DLG2: variants seen among roughly 807,000 people sequenced by gnomAD.
DLG2 encodes discs large MAGUK scaffold protein 2.
In DLG2, 45 loss-of-function variants were observed where a neutral mutation model predicts 132.5. The ratio of observed to expected loss-of-function variants is 0.34; its 90% confidence interval spans 0.27 to 0.44. DLG2 has a LOEUF of 0.44. Ranked by LOEUF, DLG2 falls within the 20% of genes least tolerant of loss-of-function variation. The pLI is 1.00. For synonymous variants in DLG2, 424 were observed against 419.6 expected, an observed-to-expected ratio of 1.01 and a Z score of -0.13; for missense variants, 1,045 against 1,196.9, an observed-to-expected ratio of 0.87 and a Z score of 1.87.
intron 6 of DLG2, among the ~76,000 whole-genome samples, chr11:84,794,278 G>T (rs2074257137): frequency 6.6e-6 from 1 of 152,190 alleles, no homozygotes; most frequent in Admixed American, 6.5e-5. Context: ...AGTGTAACGG[G>T]ATTGTAACAC....
At chr11:84,479,530 T>C (rs894299093) in intron 7 of DLG2, among the ~76,000 whole-genome samples, 1 of 152,130 alleles carries the variant, frequency 6.6e-6, no homozygotes. Flanking sequence ...GACAATATGT[T>C]TCCTTCCTGC....
chr11:83,595,206 C>T (rs2057365517), intron 19 of DLG2, among the ~76,000 whole-genome samples: 1 of 152,080 alleles, frequency 6.6e-6, no homozygotes, highest in Non-Finnish European at 1.5e-5. Flanking sequence ...TCTCCCAGCT[C>T]TTGGGTATTA....
intron 18 of DLG2, among the ~76,000 whole-genome samples, chr11:83,657,621 A>ATCTGCCTC (rs1310187625): frequency 2.0e-5 from 3 of 146,470 alleles, no homozygotes; most frequent in African/African-American, 7.6e-5. Context: ...TCACTGCAAG[A>ATCTGCCTC]TCTGCCTCCC....
intron 4 of DLG2, among the ~76,000 whole-genome samples, chr11:85,206,532 TA>T (rs2081906320): frequency 6.6e-6 from 1 of 152,158 alleles, no homozygotes; most frequent in Non-Finnish European, 1.5e-5. Flanking sequence ...AAATACATGG[TA>T]TATAAGTAAT....
chr11:83,994,831 T>C (rs529959305), intron 11 of DLG2, among the ~76,000 whole-genome samples: 2 of 152,284 alleles, frequency 1.3e-5, no homozygotes, highest in Admixed American at 6.5e-5. Flanking sequence ...CTGAAAGCTA[T>C]AAGAGTAAAT....
chr11:83,513,279 T>C (rs2095133503), intron 21 of DLG2, among the ~76,000 whole-genome samples: 1 of 151,624 alleles, frequency 6.6e-6, no homozygotes, highest in African/African-American at 2.4e-5. Flanking sequence ...TGATGGCCAG[T>C]GATGATGAGC....
chr11:84,052,315 C>G (rs964537953), intron 11 of DLG2, among the ~76,000 whole-genome samples: 1 of 151,698 alleles, frequency 6.6e-6, no homozygotes, highest in East Asian at 1.9e-4. Context: ...TACATGCATG[C>G]ATAAGCCAAA....
intron 15 of DLG2, among the ~76,000 whole-genome samples, chr11:83,928,143 A>C (rs139688333): frequency 1.3e-5 from 2 of 152,188 alleles, no homozygotes; most frequent in Admixed American, 1.3e-4. Flanking sequence ...AAAAGAAAAA[A>C]AGAAGGAGAA....
chr11:84,094,463 G>A (rs1259012419), intron 10 of DLG2, among the ~76,000 whole-genome samples: 1 of 152,060 alleles, frequency 6.6e-6, no homozygotes, highest in Non-Finnish European at 1.5e-5. Context: ...CTCTGTAAAT[G>A]TTAGTGTTAT....
chr11:83,653,935 G>A (rs1023494449), intron 18 of DLG2, among the ~76,000 whole-genome samples: 17 of 152,074 alleles, frequency 1.1e-4, no homozygotes, highest in Admixed American at 2.6e-4. Context: ...GGCCATGCTC[G>A]TCTCAAAATC....
At chr11:84,123,429 C>G (rs2094018415) in intron 9 of DLG2, among the ~76,000 whole-genome samples, 1 of 152,200 alleles carries the variant, frequency 6.6e-6, no homozygotes, top group South Asian at 2.1e-4. Context: ...GACAATATTA[C>G]TTTTAATCCT....
At chr11:84,365,053 T>C (rs1164662393) in intron 7 of DLG2, among the ~76,000 whole-genome samples, 4 of 152,144 alleles carry the variant, frequency 2.6e-5, no homozygotes, top group Admixed American at 1.3e-4. Flanking sequence ...GATTCCCTCT[T>C]TTTCTATTGA....
chr11:84,413,172 G>C (rs1441725323), intron 7 of DLG2, among the ~76,000 whole-genome samples: 1 of 152,040 alleles, frequency 6.6e-6, no homozygotes, highest in Admixed American at 6.6e-5. Flanking sequence ...TCTCAGCCTG[G>C]ATCCATTCTC....
intron 22 of DLG2, chr11:83,483,176 G>T: frequency 7.7e-7 from 1 of 1,291,956 alleles, no homozygotes; most frequent in Non-Finnish European, 1.1e-6. Context: ...AAGGCCCTCA[G>T]GAAAAGGAAC....
chr11:84,102,202 A>G (rs1046746337), intron 9 of DLG2, among the ~76,000 whole-genome samples: 4 of 152,128 alleles, frequency 2.6e-5, no homozygotes, highest in African/African-American at 9.7e-5. Flanking sequence ...TTTTATGCTT[A>G]CTTACATTAT....
At chr11:85,346,553 C>T (rs1331991832) in intron 3 of DLG2, among the ~76,000 whole-genome samples, 1 of 152,082 alleles carries the variant, frequency 6.6e-6, no homozygotes, top group Non-Finnish European at 1.5e-5. Flanking sequence ...ATTAAGAATG[C>T]CTTTGTTCTC....
intron 6 of DLG2, among the ~76,000 whole-genome samples, chr11:84,685,875 G>A (rs1361814820): frequency 6.6e-6 from 1 of 152,086 alleles, no homozygotes; most frequent in Non-Finnish European, 1.5e-5. Flanking sequence ...TTTTAGTAGA[G>A]ACGAGGTTTC....
intron 6 of DLG2, among the ~76,000 whole-genome samples, chr11:84,801,478 G>C (rs1315089701): frequency 6.6e-6 from 1 of 152,198 alleles, no homozygotes; most frequent in Non-Finnish European, 1.5e-5. Flanking sequence ...GGCTGAGGCA[G>C]GAGAATGGCG....
At chr11:85,210,514 T>G (rs1316933088) in intron 4 of DLG2, among the ~76,000 whole-genome samples, 1 of 152,180 alleles carries the variant, frequency 6.6e-6, no homozygotes, top group East Asian at 1.9e-4. Context: ...AATGGCAGTC[T>G]CATTTTTCAT....
Sources: gnomAD v4.1 joint callset for allele counts (sites outside exome capture counted in the v4.1 genomes callset) on GRCh38, gnomAD v4.1.1 for gene constraint, MANE v1.5 for transcripts, NCBI Gene and HGNC (gene_info 2026-07-23, HGNC 2026-07-21) for gene names.